EPB41L3: variants seen among roughly 807,000 people sequenced by gnomAD.
EPB41L3 encodes the protein erythrocyte membrane protein band 4.1 like 3.
A neutral mutation model predicts 127.1 loss-of-function variants in EPB41L3; 57 were observed. The observed-to-expected ratio is 0.45, with a 90% CI of 0.36 to 0.56. The LOEUF is 0.56. Among genes scored for constraint, EPB41L3 ranks in the 20% least tolerant of loss-of-function variants. The probability of loss-of-function intolerance (pLI) is 0.00; values close to 1 mark genes in which losing one functional copy is unlikely to be tolerated. For synonymous variants in EPB41L3, 572 were observed against 549.5 expected, an observed-to-expected ratio of 1.04 and a Z score of -0.57; for missense variants, 1,273 against 1,372.2, an observed-to-expected ratio of 0.93 and a Z score of 1.14.
chr18:5,456,978 G>A (rs914726222), intron 3 of EPB41L3, among the ~76,000 whole-genome samples: 1 of 152,238 alleles, frequency 6.6e-6, no homozygotes, highest in Non-Finnish European at 1.5e-5. Flanking sequence ...CCGTGGCTCA[G>A]CAACCTGCAG....
intron 1 of EPB41L3, among the ~76,000 whole-genome samples, chr18:5,519,979 G>A (rs2092920418): frequency 6.6e-6 from 1 of 152,184 alleles, no homozygotes; most frequent in Admixed American, 6.5e-5. Context: ...CTGATTCTCA[G>A]GAATGGAACT....
intron 3 of EPB41L3, chr18:5,610,375 A>G: frequency 2.3e-6 from 2 of 852,192 alleles, no homozygotes; most frequent in Non-Finnish European, 2.8e-6. Flanking sequence ...TTAAGGAGAA[A>G]GTTTCTGTAG....
In EPB41L3 at chr18:5,434,065, G is replaced by C. The variant is rs958078164; in HGVS notation, c.662C>G (p.Ser221Cys). Residue 221 changes from serine (S) to cysteine (C), a missense_variant, in exon 7 of 23, where the codon TCC (serine) becomes TGC (cysteine). Coordinates refer to ENST00000341928, the MANE Select transcript of EPB41L3 (RefSeq NM_012307.5). ...DDIVSGRLPC[S>C]FVTLALLGSY... ...GCCCAGCAAGGCCAGGGTAACAAAG[G>C]AGCAGGGCAGCCTTCCGGACACGAT... 2 of 1,614,140 alleles carry C rather than the reference G, an allele frequency of 1.2e-6. No homozygotes were observed. Among genetic ancestry groups the C allele is most frequent in the Non-Finnish European group, 1.7e-6 (2 of 1,180,034 alleles).
At chr18:5,586,004 T>A (rs958770454) in intron 3 of EPB41L3, among the ~76,000 whole-genome samples, 12 of 152,186 alleles carry the variant, frequency 7.9e-5, no homozygotes, top group African/African-American at 2.9e-4. Flanking sequence ...ATTTCAGCCC[T>A]AGGGGCAGTA....
chr18:5,458,622 T>G (rs1158390894), intron 3 of EPB41L3, among the ~76,000 whole-genome samples: 1 of 152,146 alleles, frequency 6.6e-6, no homozygotes, highest in Non-Finnish European at 1.5e-5. Context: ...AGGAAAAATA[T>G]TCTCTCGCCC....
At chr18:5,472,782 G>GT (rs1162995753) in intron 3 of EPB41L3, among the ~76,000 whole-genome samples, 1 of 152,168 alleles carries the variant, frequency 6.6e-6, no homozygotes, top group Non-Finnish European at 1.5e-5. Flanking sequence ...ATAAAACAGT[G>GT]TAAGATTTAC....
At chr18:5,422,629 T>C (rs1028897037) in intron 11 of EPB41L3, among the ~76,000 whole-genome samples, 12 of 152,214 alleles carry the variant, frequency 7.9e-5, no homozygotes, top group Non-Finnish European at 1.5e-4. Context: ...TTCCAGAGTA[T>C]TGTTACAGCG....
At chr18:5,630,514 T>C, upstream of EPB41L3, 1 of 518,166 alleles carries the variant, frequency 1.9e-6, no homozygotes, top group South Asian at 1.4e-5. Flanking sequence ...GCAGGGGCTC[T>C]TTCCTTCGAA....
intron 3 of EPB41L3, among the ~76,000 whole-genome samples, chr18:5,596,826 T>G (rs1248696407): frequency 6.6e-6 from 1 of 152,174 alleles, no homozygotes; most frequent in Non-Finnish European, 1.5e-5. Context: ...TTCATAGCGT[T>G]TTAATAATGA....
In EPB41L3 at chr18:5,395,158, C is replaced by T. The variant is rs570664288; in HGVS notation, c.3073-11G>A. ...GCCCCCTTTCACAGTCTGCAAGACA[C>T]GTAGAGAAGCTTTATGAATTTACTC... is the stretch of plus-strand genomic sequence containing the variant. On this transcript the variant is annotated splice_polypyrimidine_tract_variant and intron_variant, in intron 20 of 22. Transcript: ENST00000341928. The T allele has an allele frequency of 1.8e-5, 29 of 1,612,150 alleles. No homozygotes were observed. The highest frequency in any genetic ancestry group is 1.2e-4 in the South Asian group (11 of 91,042).
intron 1 of EPB41L3, chr18:5,508,164 C>G (rs1050212361): frequency 3.9e-5 from 6 of 152,122 alleles, no homozygotes; most frequent in Admixed American, 2.0e-4. Flanking sequence ...ATAATAATTA[C>G]CAGAGCAACT....
At chr18:5,431,868 T>C (rs1294336224) in intron 8 of EPB41L3, among the ~76,000 whole-genome samples, 1 of 152,192 alleles carries the variant, frequency 6.6e-6, no homozygotes, top group Non-Finnish European at 1.5e-5. Context: ...TAACATATAA[T>C]AGAAAACATC....
At chr18:5,586,565 A>ACTT (rs574303748) in intron 3 of EPB41L3, among the ~76,000 whole-genome samples, 1 of 125,996 alleles carries the variant, frequency 7.9e-6, no homozygotes, top group African/African-American at 3.0e-5. Context: ...ATACATGACT[A>ACTT]TTTTTTTTTT....
chr18:5,436,565 T>C (rs1485628561), intron 6 of EPB41L3, among the ~76,000 whole-genome samples: 1 of 151,976 alleles, frequency 6.6e-6, no homozygotes, highest in Non-Finnish European at 1.5e-5. Flanking sequence ...CCCGCCACGA[T>C]GCCCGGCTAA....
At chr18:5,606,298 A>G (rs1317079679) in intron 3 of EPB41L3, among the ~76,000 whole-genome samples, 1 of 152,204 alleles carries the variant, frequency 6.6e-6, no homozygotes, top group Non-Finnish European at 1.5e-5. Flanking sequence ...ACATCTTTAC[A>G]TGAGCATGTG....
At chr18:5,461,141 T>C (rs2083930801) in intron 3 of EPB41L3, among the ~76,000 whole-genome samples, 1 of 152,220 alleles carries the variant, frequency 6.6e-6, no homozygotes, top group South Asian at 2.1e-4. Flanking sequence ...AGACATTAAC[T>C]GGAGCATTTT....
intron 11 of EPB41L3, among the ~76,000 whole-genome samples, chr18:5,422,975 G>T (rs1188968652): frequency 1.3e-5 from 2 of 152,188 alleles, no homozygotes; most frequent in South Asian, 4.1e-4. Flanking sequence ...TTTAGAAACA[G>T]AAATAAATTT....
In EPB41L3 at chr18:5,569,980, T is replaced by C. The variant is rs1302387975; in HGVS notation, c.-306+42360A>G. Among the ~76,000 whole-genome samples the C allele has an allele frequency of 1.3e-5, 2 of 152,160 alleles. 1 individual carries two copies. Among genetic ancestry groups the C allele is most frequent in the Admixed American group, 1.3e-4 (2 of 15,274 alleles). ...TTCTGAGTTTTGTTAAAAAGCACTATTTTGTCAGCTATGGGATGGTTATTG... is the reference window on the plus strand; with the variant it reads ...TTCTGAGTTTTGTTAAAAAGCACTACTTTGTCAGCTATGGGATGGTTATTG... On this transcript the variant is annotated intron_variant, in intron 3 of 21. Transcript: ENST00000545076.
intron 3 of EPB41L3, among the ~76,000 whole-genome samples, chr18:5,570,411 G>A (rs767194363): frequency 4.6e-5 from 7 of 152,076 alleles, no homozygotes; most frequent in African/African-American, 7.2e-5. Flanking sequence ...GAGGAAAGGT[G>A]TTGCTTTTCA....
Sources: gnomAD v4.1 joint callset for allele counts (sites outside exome capture counted in the v4.1 genomes callset) on GRCh38, gnomAD v4.1.1 for gene constraint, MANE v1.5 for transcripts, NCBI Gene and HGNC (gene_info 2026-07-23, HGNC 2026-07-21) for gene names.